The following GALNT1 variants were observed in gnomAD, a reference collection of about 807,000 sequenced individuals.
GALNT1 encodes polypeptide N-acetylgalactosaminyltransferase 1.
GALNT1 carries 17 observed loss-of-function variants against 65.7 expected under a neutral mutation model. The ratio of observed to expected loss-of-function variants is 0.26; its 90% CI spans 0.18 to 0.39. The LOEUF is 0.39. Among genes scored for constraint, GALNT1 ranks in the 10% least tolerant of loss-of-function variants. The pLI is 1.00. For missense variants in GALNT1, 460 were observed against 672.8 expected, an observed-to-expected ratio of 0.68 and a Z score of 3.50; for synonymous variants, 210 against 219.7, an observed-to-expected ratio of 0.96 and a Z score of 0.39.
intron 1 of GALNT1, among the ~76,000 whole-genome samples, chr18:35,608,314 T>G (rs1430085708): frequency 5.9e-5 from 9 of 152,212 alleles, no homozygotes; most frequent in Non-Finnish European, 1.3e-4. Flanking sequence ...TTTGCATGCT[T>G]ATTAAATTTA....
In GALNT1 at chr18:35,677,606, G is replaced by A. The variant is rs2047729139; in HGVS notation, c.330G>A (p.Val110=). The part of the protein sequence containing the change: ...DVRLEGCKTK[V]YPDNLPTTSV... ...TTGTCTCTAGGTGTAAAACAAAGGT[G>A]TATCCAGATAATCTTCCTACAACAA... is the stretch of plus-strand genomic sequence containing the variant. Residue 110 remains valine (V), a synonymous_variant, in exon 4 of 12, where the codon GTG becomes GTA. Transcript: ENST00000269195. The A allele has an allele frequency of 6.2e-7, 1 of 1,611,790 alleles. No homozygotes were observed. Among genetic ancestry groups the A allele is most frequent in the African/African-American group, 1.3e-5 (1 of 74,816 alleles).
At chr18:35,610,177 A>G (rs2046699603) in intron 1 of GALNT1, among the ~76,000 whole-genome samples, 1 of 152,178 alleles carries the variant, frequency 6.6e-6, no homozygotes, top group South Asian at 2.1e-4. Flanking sequence ...TTGGATGTGA[A>G]TGAAGAGCAG....
intron 4 of GALNT1, among the ~76,000 whole-genome samples, chr18:35,680,802 A>G (rs7244122): frequency 0.11 from 17,027 of 152,018 alleles, 1,029 homozygotes; most frequent in Admixed American, 0.18. Context: ...TGACCTCTTA[A>G]TTGCTGTGTA....
intron 9 of GALNT1, among the ~76,000 whole-genome samples, chr18:35,699,718 CA>C (rs1245306121): frequency 1.3e-5 from 2 of 152,188 alleles, no homozygotes; most frequent in Non-Finnish European, 2.9e-5. Flanking sequence ...AGCTAGTCCT[CA>C]ATTCTTGAAT....
chr18:35,648,228 TA>T (rs2047261443), intron 1 of GALNT1, among the ~76,000 whole-genome samples: 1 of 152,168 alleles, frequency 6.6e-6, no homozygotes, highest in Admixed American at 6.5e-5. Context: ...TGTGAGAGTG[TA>T]AAACCATCAC....
At chr18:35,650,346 T>C (rs928136111) in intron 1 of GALNT1, among the ~76,000 whole-genome samples, 1 of 152,112 alleles carries the variant, frequency 6.6e-6, no homozygotes, top group Non-Finnish European at 1.5e-5. Context: ...TTAAAAAATA[T>C]CACAAGGCAA....
intron 3 of GALNT1, among the ~76,000 whole-genome samples, chr18:35,676,403 C>T (rs1011325123): frequency 1.3e-5 from 2 of 152,180 alleles, no homozygotes; most frequent in African/African-American, 2.4e-5. Flanking sequence ...GGGGCCCCTA[C>T]GATGACTTCT....
intron 1 of GALNT1, among the ~76,000 whole-genome samples, chr18:35,599,751 T>C (rs1017289849): frequency 1.3e-5 from 2 of 152,210 alleles, no homozygotes; most frequent in African/African-American, 2.4e-5. Flanking sequence ...TATGGTCATA[T>C]AGTTTTCCCA....
Position 35,691,209 on chromosome 18 carries a change from A to C in GALNT1, c.1159+17A>C, listed in dbSNP as rs777116790. The C allele has an allele frequency of 6.3e-7, 1 of 1,582,876 alleles. No individual in the cohort carries two copies. Among genetic ancestry groups the C allele is most frequent in the Non-Finnish European group, 8.6e-7 (1 of 1,166,330 alleles). On this transcript the variant is annotated intron_variant, in intron 8 of 11. Coordinates refer to ENST00000269195, the MANE Select transcript of GALNT1 (RefSeq NM_020474.4). The stretch of plus-strand genomic sequence containing the variant: ...TTTCTCCAGGTTAGCGTTGTTTTGC[A>C]TTAGAAATACAAGGCTGTACCTTTG...
At chr18:35,684,155 G>C (rs2047831221) in intron 5 of GALNT1, among the ~76,000 whole-genome samples, 1 of 152,310 alleles carries the variant, frequency 6.6e-6, no homozygotes, top group African/African-American at 2.4e-5. Flanking sequence ...CTTAGTTCTT[G>C]TGCATCAGGA....
At chr18:35,625,886 G>A (rs914277905) in intron 1 of GALNT1, among the ~76,000 whole-genome samples, 2 of 152,100 alleles carry the variant, frequency 1.3e-5, no homozygotes, top group African/African-American at 4.8e-5. Flanking sequence ...AGTATGAGAA[G>A]AAATTAGTAA....
chr18:35,586,547 C>G (rs1379171410), intron 1 of GALNT1, among the ~76,000 whole-genome samples: 1 of 144,582 alleles, frequency 6.9e-6, no homozygotes. Flanking sequence ...CTTTTTTTCC[C>G]TAATAGTTTT....
intron 11 of GALNT1, among the ~76,000 whole-genome samples, chr18:35,707,076 C>T (rs929908152): frequency 1.3e-5 from 2 of 152,126 alleles, no homozygotes; most frequent in African/African-American, 4.8e-5. Flanking sequence ...TTTCTTTGCA[C>T]AGTACCACGC....
At position 35,690,627 on chromosome 18, in the gene GALNT1, A is replaced by C. The variant is rs765667087; in HGVS notation, c.979-385A>C. The stretch of plus-strand genomic sequence containing the variant: ...TTAGCCTTTAACCTATGTTTTCTTT[A>C]TTTTAATCTTCAACTTTTGGTTTGA... On this transcript the variant is annotated intron_variant, in intron 7 of 11. Transcript: ENST00000269195. 2.0e-5 allele frequency among the ~76,000 whole-genome samples: 3 copies of C among 152,096 alleles called. No individual in the cohort carries two copies. In the South Asian group the frequency reaches 6.2e-4, roughly 32 times the overall value.
chr18:35,627,737 G>A (rs1275607740), intron 1 of GALNT1, among the ~76,000 whole-genome samples: 2 of 150,552 alleles, frequency 1.3e-5, no homozygotes, highest in Non-Finnish European at 1.5e-5. Flanking sequence ...GCAGGACAGT[G>A]GGTGTAGCAC....
chr18:35,622,983 A>G (rs1224753969), intron 1 of GALNT1, among the ~76,000 whole-genome samples: 1 of 152,090 alleles, frequency 6.6e-6, no homozygotes, highest in Non-Finnish European at 1.5e-5. Flanking sequence ...CCTCTTACCC[A>G]CACCTCCATT....
intron 9 of GALNT1, among the ~76,000 whole-genome samples, chr18:35,701,336 C>T (rs1022637222): frequency 6.6e-5 from 10 of 152,080 alleles, no homozygotes; most frequent in Admixed American, 3.3e-4. Flanking sequence ...TTAAAGTGCT[C>T]GGGTTATAGA....
At chr18:35,655,017 G>A (rs185717589) in intron 2 of GALNT1, among the ~76,000 whole-genome samples, 105 of 152,246 alleles carry the variant, frequency 6.9e-4, no homozygotes, top group Non-Finnish European at 1.3e-3. Context: ...TTCGATTTTT[G>A]TGTTCAATAT....
In GALNT1 at chr18:35,683,320, A is replaced by G. The variant is rs2047814386; in HGVS notation, c.482-71A>G. ...AGGGTATGTTGAATAAATTTTCCAAATCAAAATTACTTTCATCTGAATAGT... is the reference window on the plus strand; with the variant it reads ...AGGGTATGTTGAATAAATTTTCCAAGTCAAAATTACTTTCATCTGAATAGT... On this transcript the variant is annotated intron_variant, in intron 4 of 11. Transcript: ENST00000269195. 11 of 1,282,916 alleles carry G rather than the reference A, an allele frequency of 8.6e-6. 1 individual carries two copies. The highest frequency in any genetic ancestry group is 2.8e-5 in the South Asian group (2 of 71,944). The allele number at this position is 1,282,916 out of a possible 1,614,324, so 79.5% of individuals were successfully genotyped here.
Sources: gnomAD v4.1 joint callset for allele counts (sites outside exome capture counted in the v4.1 genomes callset) on GRCh38, gnomAD v4.1.1 for gene constraint, MANE v1.5 for transcripts, NCBI Gene and HGNC (gene_info 2026-07-23, HGNC 2026-07-21) for gene names.